ADARB2: variants seen among roughly 807,000 people sequenced by gnomAD.
ADARB2 encodes inactive double-stranded RNA-specific editase B2.
A neutral mutation model predicts 62.2 loss-of-function variants in ADARB2; 25 were observed. The ratio of observed to expected loss-of-function variants is 0.40; its 90% CI spans 0.29 to 0.56. ADARB2 has a LOEUF of 0.56. ADARB2 is among the 20% of genes least tolerant of loss of function. The pLI is 0.43. For missense variants in ADARB2, 1,071 were observed against 1,077.4 expected (o/e 0.99, Z 0.08); for synonymous variants, 572 against 500.8 (o/e 1.14, Z -1.90).
At chr10:1,655,917 G>A (rs1396583910) in intron 1 of ADARB2, among the ~76,000 whole-genome samples, 1 of 152,174 alleles carries the variant, frequency 6.6e-6, no homozygotes, top group Non-Finnish European at 1.5e-5. Context: ...TAAATTAGTG[G>A]GTTTCACTAA....
chr10:1,609,651 C>A (rs1672883216), intron 1 of ADARB2, among the ~76,000 whole-genome samples: 1 of 152,234 alleles, frequency 6.6e-6, no homozygotes, highest in African/African-American at 2.4e-5. Flanking sequence ...TGTCTGTAAT[C>A]CTGAAAGAAC....
At chr10:1,713,814 A>C (rs1834981511) in intron 1 of ADARB2, among the ~76,000 whole-genome samples, 1 of 152,194 alleles carries the variant, frequency 6.6e-6, no homozygotes, top group Non-Finnish European at 1.5e-5. Context: ...GCATGTCCTC[A>C]CTTCCTTGAG....
chr10:1,377,843 C>G (rs532338542), intron 2 of ADARB2, among the ~76,000 whole-genome samples: 5 of 152,286 alleles, frequency 3.3e-5, no homozygotes, highest in Admixed American at 3.3e-4. Flanking sequence ...GGCTGTGATG[C>G]TACTTTTGCA....
intron 3 of ADARB2, among the ~76,000 whole-genome samples, chr10:1,322,424 T>C (rs1831803519): frequency 6.6e-6 from 1 of 152,206 alleles, no homozygotes; most frequent in African/African-American, 2.4e-5. Context: ...GTTAGATTTC[T>C]TCATGACTTA....
intron 1 of ADARB2, among the ~76,000 whole-genome samples, chr10:1,479,424 C>A (rs1204945027): frequency 6.6e-6 from 1 of 152,162 alleles, no homozygotes; most frequent in Non-Finnish European, 1.5e-5. Flanking sequence ...TGTGTGGCTT[C>A]AGGGCCCGGA....
At chr10:1,528,959 T>A (rs1832183594) in intron 1 of ADARB2, among the ~76,000 whole-genome samples, 1 of 152,110 alleles carries the variant, frequency 6.6e-6, no homozygotes, top group African/African-American at 2.4e-5. Flanking sequence ...GTTCTCTCTT[T>A]CCCCACAATG....
chr10:1,316,038 G>A (rs1283211606), intron 3 of ADARB2, among the ~76,000 whole-genome samples: 2 of 152,184 alleles, frequency 1.3e-5, no homozygotes, highest in Non-Finnish European at 2.9e-5. Context: ...TAGAAATTAA[G>A]GCTTTTATGT....
chr10:1,480,089 T>C (rs759440281), intron 1 of ADARB2, among the ~76,000 whole-genome samples: 2 of 152,086 alleles, frequency 1.3e-5, no homozygotes, highest in Non-Finnish European at 2.9e-5. Flanking sequence ...GCGAAAATTG[T>C]ACTCAATGGT....
intron 3 of ADARB2, among the ~76,000 whole-genome samples, chr10:1,313,298 C>T (rs772657044): frequency 2.0e-5 from 3 of 152,180 alleles, no homozygotes; most frequent in African/African-American, 4.8e-5. Context: ...ATGCCCCTTC[C>T]ACCTGTCCCC....
chr10:1,639,327 T>C (rs536004418), intron 1 of ADARB2, among the ~76,000 whole-genome samples: 24 of 152,342 alleles, frequency 1.6e-4, no homozygotes, highest in African/African-American at 5.1e-4. Context: ...TGGTCAGTCA[T>C]GTGGCCCTGG....
At chr10:1,635,975 G>A (rs1417608390) in intron 1 of ADARB2, among the ~76,000 whole-genome samples, 2 of 151,410 alleles carry the variant, frequency 1.3e-5, no homozygotes, top group African/African-American at 4.8e-5. Flanking sequence ...ATAAACCACG[G>A]CTGGATAGGT....
At chr10:1,676,437 T>G (rs764768658) in intron 1 of ADARB2, among the ~76,000 whole-genome samples, 2 of 152,224 alleles carry the variant, frequency 1.3e-5, no homozygotes, top group Non-Finnish European at 2.9e-5. Flanking sequence ...TGAAGCATAT[T>G]TAGACATTGC....
At chr10:1,443,783 A>T (rs1273021732) in intron 1 of ADARB2, among the ~76,000 whole-genome samples, 1 of 152,252 alleles carries the variant, frequency 6.6e-6, no homozygotes, top group Non-Finnish European at 1.5e-5. Context: ...ATTGCAAGAG[A>T]TGATAAAAAC....
intron 1 of ADARB2, among the ~76,000 whole-genome samples, chr10:1,728,153 T>A (rs891199006): frequency 5.3e-5 from 8 of 152,228 alleles, no homozygotes; most frequent in African/African-American, 7.2e-5. Flanking sequence ...TTCTCTTTTA[T>A]GATGTAAGAA....
chr10:1,632,229 C>A (rs1833852136), intron 1 of ADARB2, among the ~76,000 whole-genome samples: 1 of 152,094 alleles, frequency 6.6e-6, no homozygotes, highest in Non-Finnish European at 1.5e-5. Context: ...CTTGTGCAGG[C>A]ATGTGCACAT....
intron 1 of ADARB2, among the ~76,000 whole-genome samples, chr10:1,425,675 A>G (rs1033472207): frequency 2.6e-5 from 4 of 152,210 alleles, no homozygotes; most frequent in Non-Finnish European, 5.9e-5. Context: ...TTGCCAACCC[A>G]TAAAAACCAG....
At chr10:1,226,897 A>G (rs540577365) in intron 6 of ADARB2, among the ~76,000 whole-genome samples, 1 of 152,306 alleles carries the variant, frequency 6.6e-6, no homozygotes, top group South Asian at 2.1e-4. Flanking sequence ...CTCAAGCTGC[A>G]TGATGGGAGA....
rs141971566 is a variant in ADARB2, at chr10:1,190,178, C to T, written c.1865-5139G>A. Among the ~76,000 whole-genome samples, 277 of 151,550 alleles carry T rather than the reference C, an allele frequency of 1.8e-3. 2 individuals carry two copies. Among genetic ancestry groups the T allele is most frequent in the African/African-American group, 5.5e-3 (226 of 40,900 alleles). On this transcript the variant is annotated intron_variant, in intron 8 of 9. Coordinates refer to ENST00000381312, the MANE Select transcript of ADARB2 (RefSeq NM_018702.4). ...AACATGAGCATCAGCAGCTGAGCTCCGAGGAGAAACGCGTCCTCCCAAGAA... is the reference window on the plus strand; with the variant it reads ...AACATGAGCATCAGCAGCTGAGCTCTGAGGAGAAACGCGTCCTCCCAAGAA...
intron 1 of ADARB2, among the ~76,000 whole-genome samples, chr10:1,382,706 CTT>C (rs35629334): frequency 3.8e-4 from 54 of 143,062 alleles, no homozygotes; most frequent in African/African-American, 3.1e-4. Flanking sequence ...GGATGCCATA[CTT>C]TTTTTTTTTT....
Sources: allele counts gnomAD v4.1 joint callset (sites outside exome capture counted in the v4.1 genomes callset), GRCh38; gene constraint gnomAD v4.1.1; transcripts MANE v1.5; gene names NCBI Gene and HGNC (gene_info 2026-07-23, HGNC 2026-07-21).